Variants in TPD52L1 observed in about 807,000 individuals in gnomAD.
TPD52L1 encodes the protein TPD52 like 1.
In TPD52L1, 18 loss-of-function variants were observed where a neutral mutation model predicts 28.7. The ratio of observed to expected loss-of-function variants is 0.63; its 90% CI spans 0.43 to 0.93. TPD52L1 has a LOEUF of 0.93. TPD52L1 is among the 40% of genes least tolerant of loss of function. The pLI, the probability that TPD52L1 is intolerant of heterozygous loss-of-function variation, is 0.00. For synonymous variants in TPD52L1, 75 were observed against 88.8 expected, an observed-to-expected ratio of 0.84 and a Z score of 0.88; for missense variants, 203 against 254.8, an observed-to-expected ratio of 0.80 and a Z score of 1.39.
intron 1 of TPD52L1, among the ~76,000 whole-genome samples, chr6:125,159,507 C>T (rs990288286): frequency 3.9e-5 from 6 of 152,206 alleles, no homozygotes; most frequent in African/African-American, 1.4e-4. Flanking sequence ...ACACCTCAAA[C>T]TCATTCAGGA....
intron 1 of TPD52L1, among the ~76,000 whole-genome samples, chr6:125,174,863 C>T (rs1582861630): frequency 6.6e-6 from 1 of 152,172 alleles, no homozygotes; most frequent in East Asian, 1.9e-4. Flanking sequence ...TGCATGTCCT[C>T]CATGGCAGGA....
chr6:125,249,859 T>C (rs1381993996), intron 4 of TPD52L1, among the ~76,000 whole-genome samples: 1 of 152,120 alleles, frequency 6.6e-6, no homozygotes, highest in Non-Finnish European at 1.5e-5. Context: ...CAACTAGGCA[T>C]TCACAAGGAC....
intron 1 of TPD52L1, among the ~76,000 whole-genome samples, chr6:125,218,324 G>A (rs1795014349): frequency 6.6e-6 from 1 of 152,120 alleles, no homozygotes; most frequent in South Asian, 2.1e-4. Flanking sequence ...ATTTCCCTGA[G>A]CATCAGTGAA....
chr6:125,230,883 C>T (rs1795909535), intron 3 of TPD52L1, among the ~76,000 whole-genome samples: 1 of 152,178 alleles, frequency 6.6e-6, no homozygotes, highest in Non-Finnish European at 1.5e-5. Flanking sequence ...CATTCCCCAA[C>T]CTAATGATGA....
intron 1 of TPD52L1, among the ~76,000 whole-genome samples, chr6:125,213,369 G>A (rs1026037984): frequency 1.2e-4 from 18 of 152,022 alleles, no homozygotes; most frequent in African/African-American, 4.3e-4. Context: ...AGTGCCTTGT[G>A]TTCTGCTTGT....
intron 1 of TPD52L1, among the ~76,000 whole-genome samples, chr6:125,184,182 G>T (rs1053556073): frequency 6.6e-5 from 10 of 152,190 alleles, no homozygotes; most frequent in Non-Finnish European, 1.3e-4. Flanking sequence ...GCCCCACATT[G>T]ATGCTACCAT....
intron 1 of TPD52L1, among the ~76,000 whole-genome samples, chr6:125,156,333 G>A (rs759616588): frequency 6.6e-6 from 1 of 151,804 alleles, no homozygotes; most frequent in Non-Finnish European, 1.5e-5. Flanking sequence ...GAGTGTGGTG[G>A]CATGTGCCTG....
chr6:125,203,687 T>A, intron 1 of TPD52L1: 1 of 985,482 alleles, frequency 1.0e-6, no homozygotes, highest in Non-Finnish European at 1.2e-6. Context: ...GAATAAAAGC[T>A]TAGGGCTGAG....
In TPD52L1 at chr6:125,248,281, G is replaced by T. The variant is rs757697582; in HGVS notation, c.285-1G>T. The T allele has an allele frequency of 1.9e-6, 3 of 1,612,888 alleles. No homozygotes were observed. In the Admixed American group the frequency reaches 5.0e-5, roughly 27 times the overall value. On this transcript the variant is annotated splice_acceptor_variant, in intron 3 of 6. Transcript: ENST00000534000. LOFTEE classifies it high-confidence loss of function. ...ACCATGTTGTTCTGTTTTATTTCTA[G>T]CTACAAGAAAACACATGAAACCCTG...
intron 1 of TPD52L1, among the ~76,000 whole-genome samples, chr6:125,214,113 G>GTGGTAGTTGAAAGCTGAAACT (rs1562297890): frequency 2.6e-5 from 4 of 152,186 alleles, no homozygotes; most frequent in Non-Finnish European, 4.4e-5. Context: ...GATGCAGCCT[G>GTGGTAGTTGAAAGCTGAAACT]GCAGGGAGGG....
At position 125,262,971 on chromosome 6, in the gene TPD52L1, A is replaced by T; in HGVS notation, c.*9A>T. ...AGGAGCTGCAGTGCTAAGTCCAGCC[A>T]GCGTGCAGCTGCATCCAGAAACCGG... On this transcript the variant is annotated 3_prime_UTR_variant, in exon 7 of 7. Coordinates refer to ENST00000534000, the MANE Select transcript of TPD52L1 (RefSeq NM_003287.4). 1 of 1,611,312 alleles carries T rather than the reference A, an allele frequency of 6.2e-7. No individual in the cohort carries two copies. Among genetic ancestry groups the T allele is most frequent in the Non-Finnish European group, 8.5e-7 (1 of 1,178,830 alleles).
intron 1 of TPD52L1, among the ~76,000 whole-genome samples, chr6:125,175,189 A>G (rs962897748): frequency 6.6e-6 from 1 of 152,064 alleles, no homozygotes; most frequent in Non-Finnish European, 1.5e-5. Flanking sequence ...GTATCCCCAT[A>G]TCTAAAACAA....
chr6:125,229,974 C>T (rs906059890), intron 3 of TPD52L1, among the ~76,000 whole-genome samples: 2 of 152,054 alleles, frequency 1.3e-5, no homozygotes, highest in African/African-American at 4.8e-5. Context: ...GTAATCCCAG[C>T]TACTCGGGAG....
chr6:125,262,645 C>G, intron 6 of TPD52L1, 189 bp from the exon 7 acceptor site: 1 of 711,306 alleles, frequency 1.4e-6, no homozygotes, highest in South Asian at 2.2e-5. Context: ...GGAATCCTAT[C>G]CGAGAACCCA....
chr6:125,199,755 C>T (rs1793684051), intron 1 of TPD52L1, among the ~76,000 whole-genome samples: 1 of 152,106 alleles, frequency 6.6e-6, no homozygotes, highest in Admixed American at 6.5e-5. Context: ...ATTAAATGTG[C>T]TAGAATTGAG....
intron 1 of TPD52L1, among the ~76,000 whole-genome samples, chr6:125,216,421 A>C (rs1794879309): frequency 6.6e-6 from 1 of 151,648 alleles, no homozygotes; most frequent in Non-Finnish European, 1.5e-5. Flanking sequence ...AAGCACAACC[A>C]TTGAAAATAT....
chr6:125,198,212 G>GC (rs1015902035), intron 1 of TPD52L1, among the ~76,000 whole-genome samples: 3 of 152,158 alleles, frequency 2.0e-5, no homozygotes, highest in Non-Finnish European at 4.4e-5. Flanking sequence ...AACCCAAGAG[G>GC]CCATCAGATA....
intron 1 of TPD52L1, among the ~76,000 whole-genome samples, chr6:125,162,712 A>G (rs1790604286): frequency 6.6e-6 from 1 of 152,214 alleles, no homozygotes; most frequent in African/African-American, 2.4e-5. Flanking sequence ...ATGCAAAGTG[A>G]AGATAGTAAT....
chr6:125,161,787 A>T (rs1790537211), intron 1 of TPD52L1, among the ~76,000 whole-genome samples: 1 of 152,186 alleles, frequency 6.6e-6, no homozygotes, highest in African/African-American at 2.4e-5. Flanking sequence ...AGATCACCAT[A>T]ACCGATTTAA....
Sources: gnomAD v4.1 joint callset for allele counts (sites outside exome capture counted in the v4.1 genomes callset) on GRCh38, gnomAD v4.1.1 for gene constraint, MANE v1.5 for transcripts, NCBI Gene and HGNC (gene_info 2026-07-23, HGNC 2026-07-21) for gene names.